The following CACNB2 variants were observed in gnomAD, a reference collection of about 807,000 sequenced individuals.
CACNB2 encodes the protein calcium voltage-gated channel auxiliary subunit beta 2.
Under a neutral mutation model 73.3 loss-of-function variants are expected in CACNB2, and 42 were observed. That is an observed-to-expected ratio of 0.57 (90% CI 0.45 to 0.74). The LOEUF is 0.74. CACNB2 is among the 30% of genes least tolerant of loss of function. CACNB2 has a pLI of 0.00. For missense variants in CACNB2, 940 were observed against 853.0 expected (o/e 1.10, Z -1.27); for synonymous variants, 348 against 310.3 (o/e 1.12, Z -1.28).
intron 2 of CACNB2, among the ~76,000 whole-genome samples, chr10:18,161,785 C>G (rs939277841): frequency 6.6e-6 from 1 of 151,830 alleles, no homozygotes; most frequent in African/African-American, 2.4e-5. Context: ...AAAAATTAGC[C>G]GGGCATGGTG....
intron 3 of CACNB2, among the ~76,000 whole-genome samples, chr10:18,494,420 G>C (rs1048333929): frequency 1.3e-5 from 2 of 152,020 alleles, no homozygotes; most frequent in Admixed American, 6.6e-5. Flanking sequence ...ACAAGGTCAG[G>C]AGATCGAGAC....
At chr10:18,407,109 CTTTTTTTTTTTTTTTTTT>C (rs71507267) in intron 3 of CACNB2, among the ~76,000 whole-genome samples, 6 of 35,572 alleles carry the variant, frequency 1.7e-4, no homozygotes, top group Non-Finnish European at 2.1e-4. Context: ...GCTGTTCTGT[CTTTTTTTTTTTTTTTTTT>C]TTTTTTTTTT....
At chr10:18,286,517 C>CAAAAAAAAAAAAAAAAAAAAAAAAAAA (rs770589594) in intron 2 of CACNB2, among the ~76,000 whole-genome samples, 1 of 57,328 alleles carries the variant, frequency 1.7e-5, no homozygotes, top group African/African-American at 5.4e-5. Context: ...GATTCTGTCT[C>CAAAAAAAAAAAAAAAAAAAAAAAAAAA]AAAAAAAAAA....
At chr10:18,364,720 G>A (rs1449853088) in intron 2 of CACNB2, among the ~76,000 whole-genome samples, 2 of 152,010 alleles carry the variant, frequency 1.3e-5, no homozygotes, top group Admixed American at 6.6e-5. Context: ...TGTTGCCACC[G>A]TTTCTTTTGT....
At chr10:18,308,142 C>G (rs114891847) in intron 2 of CACNB2, among the ~76,000 whole-genome samples, 4,878 of 151,668 alleles carry the variant, frequency 0.032, 105 homozygotes, top group Middle Eastern at 0.051. Context: ...TACAGGCACC[C>G]GCCACCATGC....
At chr10:18,382,022 C>G (rs1018879038) in intron 2 of CACNB2, among the ~76,000 whole-genome samples, 2 of 151,928 alleles carry the variant, frequency 1.3e-5, no homozygotes, top group African/African-American at 4.8e-5. Flanking sequence ...TAGAATGAGA[C>G]TTTTATGTAT....
intron 2 of CACNB2, among the ~76,000 whole-genome samples, chr10:18,332,998 G>T (rs566683854): frequency 3.3e-5 from 5 of 151,978 alleles, no homozygotes; most frequent in Non-Finnish European, 5.9e-5. Context: ...GGAGTAAAGG[G>T]GCCAAAAAAG....
chr10:18,378,561 CAACAT>C (rs1317575639), intron 2 of CACNB2, among the ~76,000 whole-genome samples: 5 of 152,086 alleles, frequency 3.3e-5, no homozygotes, highest in African/African-American at 1.2e-4. Flanking sequence ...CCAGCCTGAA[CAACAT>C]AGTGAGACCC....
At chr10:18,409,886 T>C (rs190398820) in intron 3 of CACNB2, among the ~76,000 whole-genome samples, 1 of 152,280 alleles carries the variant, frequency 6.6e-6, no homozygotes, top group Admixed American at 6.5e-5. Context: ...TTAATCCTCC[T>C]ATGTTCAGTA....
At chr10:18,483,903 G>C (rs1245846924) in intron 3 of CACNB2, among the ~76,000 whole-genome samples, 1 of 152,094 alleles carries the variant, frequency 6.6e-6, no homozygotes, top group African/African-American at 2.4e-5. Context: ...TTTCATTACT[G>C]TCCTCGCCAC....
chr10:18,514,468 A>C (rs921904000), intron 7 of CACNB2, 99 bp downstream of exon 7: 30 of 1,613,886 alleles, frequency 1.9e-5, no homozygotes, highest in Non-Finnish European at 2.4e-5. Context: ...TAAGCCAATA[A>C]CGTGCATGCT....
Position 18,534,192 on chromosome 10 carries a change from C to G in CACNB2, c.1171C>G (p.Pro391Ala). Residue 391 changes from proline (P) to alanine (A), a missense_variant, in exon 11 of 14, where the codon CCT becomes GCT. Coordinates refer to ENST00000324631, the MANE Select transcript of CACNB2 (RefSeq NM_201596.3). ...PAQLSKTSLAPIIVYVKISSP... is the reference protein window; with the variant it reads ...PAQLSKTSLAAIIVYVKISSP... ...TCAACTCAGTAAAACCTCCTTGGCC[C>G]CTATTATAGTATATGTAAAGATTTC... 6.2e-7 allele frequency: 1 copy of G among 1,613,454 alleles called. No homozygotes were observed. Among genetic ancestry groups the G allele is most frequent in the South Asian group, 1.1e-5 (1 of 91,062 alleles).
intron 2 of CACNB2, among the ~76,000 whole-genome samples, chr10:18,159,624 A>G (rs562015859): frequency 2.0e-5 from 3 of 152,318 alleles, no homozygotes; most frequent in South Asian, 2.1e-4. Flanking sequence ...TTGGTGCTGC[A>G]TTTTTGGATC....
intron 2 of CACNB2, among the ~76,000 whole-genome samples, chr10:18,173,537 C>A (rs1259582117): frequency 6.6e-6 from 1 of 152,106 alleles, no homozygotes; most frequent in African/African-American, 2.4e-5. Context: ...GAATGAGGTT[C>A]CTGAGAGCTG....
At chr10:18,307,406 G>A (rs544858271) in intron 2 of CACNB2, among the ~76,000 whole-genome samples, 2 of 152,260 alleles carry the variant, frequency 1.3e-5, no homozygotes, top group African/African-American at 2.4e-5. Context: ...AGGTTGTGGC[G>A]AGCCGAGATT....
At chr10:18,352,799 AT>A (rs1191471806) in intron 2 of CACNB2, among the ~76,000 whole-genome samples, 9 of 152,216 alleles carry the variant, frequency 5.9e-5, no homozygotes, top group African/African-American at 2.2e-4. Flanking sequence ...AATTATTAGT[AT>A]ATTGGATTTT....
At chr10:18,185,087 C>G (rs757469348) in intron 2 of CACNB2, among the ~76,000 whole-genome samples, 4 of 152,158 alleles carry the variant, frequency 2.6e-5, no homozygotes, top group Non-Finnish European at 4.4e-5. Flanking sequence ...AATCCTCCCA[C>G]CTTGGCCCAT....
chr10:18,341,852 G>C (rs929665450), intron 2 of CACNB2, among the ~76,000 whole-genome samples: 2 of 152,106 alleles, frequency 1.3e-5, no homozygotes, highest in Non-Finnish European at 2.9e-5. Context: ...ACTGGAAACT[G>C]AGATACTTTT....
chr10:18,316,940 C>T (rs1267032778), intron 2 of CACNB2, among the ~76,000 whole-genome samples: 1 of 152,154 alleles, frequency 6.6e-6, no homozygotes, highest in African/African-American at 2.4e-5. Flanking sequence ...TCAAGGAAGC[C>T]ATGCTTCTTA....
Sources: allele counts gnomAD v4.1 joint callset (sites outside exome capture counted in the v4.1 genomes callset), GRCh38; gene constraint gnomAD v4.1.1; transcripts MANE v1.5; gene names NCBI Gene and HGNC (gene_info 2026-07-23, HGNC 2026-07-21).